Variants in ZNF366 observed in about 807,000 individuals in gnomAD.
The protein encoded by ZNF366 is zinc finger protein 366, also known as dendritic cell-specific transcript protein.
Under a neutral mutation model 47.2 loss-of-function variants are expected in ZNF366, and 20 were observed. That is an observed-to-expected ratio of 0.42 (90% CI 0.30 to 0.62). The LOEUF (loss-of-function observed/expected upper bound fraction) is 0.62, where lower values mean the gene tolerates loss of function less well. Ranked by LOEUF, ZNF366 falls within the 20% of genes least tolerant of loss-of-function variation. The probability of loss-of-function intolerance (pLI) is 0.16; values close to 1 mark genes in which losing one functional copy is unlikely to be tolerated. For synonymous variants in ZNF366, 421 were observed against 395.1 expected (o/e 1.07, Z -0.78); for missense variants, 987 against 976.3 (o/e 1.01, Z -0.15).
At position 72,460,279 on chromosome 5, in the gene ZNF366, G is replaced by A; in HGVS notation, c.1218C>T (p.Ser406=). Residue 406 remains serine (S), a synonymous_variant, in exon 2 of 5, where the codon AGC becomes AGT. Transcript: ENST00000318442. ...SECDKTFQYP[S]QLQNHMMKHK... Reference sequence around the variant, plus strand: ...GCTTCATCATGTGGTTCTGCAGCTGGCTCGGGTACTGGAAGGTCTTGTCGC... The same window carrying A: ...GCTTCATCATGTGGTTCTGCAGCTGACTCGGGTACTGGAAGGTCTTGTCGC... 6.2e-7 allele frequency: 1 copy of A among 1,614,222 alleles called. No homozygotes were observed. The highest frequency in any genetic ancestry group is 8.5e-7 in the Non-Finnish European group (1 of 1,180,024).
At chr5:72,482,350 G>A (rs753737952) in intron 1 of ZNF366, among the ~76,000 whole-genome samples, 6 of 152,208 alleles carry the variant, frequency 3.9e-5, no homozygotes, top group Admixed American at 2.6e-4. Context: ...GGGAAGTTTA[G>A]TAAGAAGAAG....
chr5:72,470,066 A>G (rs1743528877), intron 1 of ZNF366, among the ~76,000 whole-genome samples: 1 of 152,164 alleles, frequency 6.6e-6, no homozygotes, highest in South Asian at 2.1e-4. Flanking sequence ...AATAATAATA[A>G]TGAAGTAGTC....
Position 72,460,562 on chromosome 5 carries a change from T to C in ZNF366, c.935A>G (p.Gln312Arg), listed in dbSNP as rs780473033. 6.2e-7 allele frequency: 1 copy of C among 1,614,108 alleles called. No individual in the cohort carries two copies. Among genetic ancestry groups the C allele is most frequent in the Admixed American group, 1.7e-5 (1 of 60,036 alleles). The change falls in exon 2 of 5, where the codon CAG becomes CGG. Residue 312 changes from glutamine (Q) to arginine (R), a missense_variant. Physicochemically the swap from Gln to Arg is conservative, Grantham distance 43. Around this residue, in one of 3 missense-constraint regions of ZNF366, gnomAD observed 591 missense variants for 560.9 expected, o/e 1.05. Transcript: ENST00000318442. ...THQGTRPHKC[Q>R]VCHKAFTQTS... ...CTGGGTGAAGGCCTTGTGGCACACCTGGCACTTGTGGGGCCGCGTGCCCTG... is the reference window on the plus strand; with the variant it reads ...CTGGGTGAAGGCCTTGTGGCACACCCGGCACTTGTGGGGCCGCGTGCCCTG...
At chr5:72,483,456 T>C (rs1409150416) in intron 1 of ZNF366, among the ~76,000 whole-genome samples, 1 of 152,088 alleles carries the variant, frequency 6.6e-6, no homozygotes, top group Non-Finnish European at 1.5e-5. Flanking sequence ...ACATTCCCTC[T>C]GAGATCCTTC....
intron 1 of ZNF366, among the ~76,000 whole-genome samples, chr5:72,479,265 C>T (rs1004677662): frequency 2.0e-5 from 3 of 151,922 alleles, no homozygotes; most frequent in African/African-American, 7.3e-5. Context: ...CCTGATTGTA[C>T]AAGAAAACAA....
At chr5:72,503,753 T>C (rs1338146576) in intron 1 of ZNF366, among the ~76,000 whole-genome samples, 3 of 152,242 alleles carry the variant, frequency 2.0e-5, no homozygotes, top group Admixed American at 6.5e-5. Flanking sequence ...TTTTGCACGT[T>C]AGTGCAGAAC....
intron 1 of ZNF366, chr5:72,472,599 T>A (rs1055294836): frequency 6.1e-6 from 6 of 980,212 alleles, no homozygotes; most frequent in Non-Finnish European, 4.8e-6. Flanking sequence ...GAACTGCAGT[T>A]AACCTTGAAA....
rs945082867 is a variant in ZNF366 at position 72,442,621 on chromosome 5, T to G, written c.*1135A>C. The stretch of plus-strand genomic sequence containing the variant: ...TAGCTCTGAGGAGAAAGCCCCCTGG[T>G]CACTGGTGACAAGTCTTCCTGCATC... On this transcript the variant is annotated 3_prime_UTR_variant, in exon 5 of 5. Transcript: ENST00000318442. The G allele has an allele frequency of 2.5e-4, 38 of 150,830 alleles. No individual in the cohort carries two copies. The highest frequency in any genetic ancestry group is 8.5e-4 in the African/African-American group (35 of 41,006). 9.3% of individuals were successfully genotyped at this position (150,830 alleles called of 1,614,324 possible). A position where few individuals can be genotyped will look rare whatever the true frequency, so the allele number is the denominator to read the frequency against.
chr5:72,484,341 G>A (rs1202941997), intron 1 of ZNF366, among the ~76,000 whole-genome samples: 2 of 150,768 alleles, frequency 1.3e-5, no homozygotes, highest in African/African-American at 4.9e-5. Flanking sequence ...AAAATTAGCC[G>A]GGCGTAGTGG....
In ZNF366 at chr5:72,447,378, C is replaced by A. The variant is rs1351179197; in HGVS notation, c.1564G>T (p.Gly522Cys). 1 of 1,613,972 alleles carries A rather than the reference C, an allele frequency of 6.2e-7. No individual in the cohort carries two copies. The highest frequency in any genetic ancestry group is 8.5e-7 in the Non-Finnish European group (1 of 1,180,022). ...KEFNRMHNLM[G>C]HMHLHSDSKP... ...CTGTCTGAGTGCAGGTGCATGTGGC[C>A]CATCAGGTTGTGCATCCGGTTGAAT... The change falls in exon 4 of 5, where the codon GGC (glycine) becomes TGC (cysteine). Residue 522 changes from glycine to cysteine, a missense_variant. By Grantham distance (159) the Gly-to-Cys change is radical. This residue lies in a region of ZNF366 where 111 missense variants were observed against 180.5 expected (regional missense o/e 0.61). Transcript: ENST00000318442.
chr5:72,454,522 A>G (rs1743141610), intron 3 of ZNF366, among the ~76,000 whole-genome samples: 1 of 152,200 alleles, frequency 6.6e-6, no homozygotes. Flanking sequence ...TGGTTTTACC[A>G]CTGCTACTGG....
chr5:72,464,549 G>T lies in ZNF366; in HGVS notation c.-14-3039C>A, dbSNP rs142953632. Among the ~76,000 whole-genome samples, 10 of 151,720 alleles carry T rather than the reference G, an allele frequency of 6.6e-5. 1 individual carries two copies. The South Asian group carries it at 1.7e-3, about 25-fold the overall frequency. On this transcript the variant is annotated intron_variant, in intron 1 of 4. Coordinates refer to ENST00000318442, the MANE Select transcript of ZNF366 (RefSeq NM_152625.3). ...CTAGTAAAGCAAAAAAAAAAATGTC[G>T]AACAGAGATGATGTGGCTATTTCTT...
At position 72,443,722 on chromosome 5, in the gene ZNF366, C is replaced by T. The variant is rs1312891098; in HGVS notation, c.*34G>A. The stretch of plus-strand genomic sequence containing the variant: ...AAAGCTATATTTGAACTGCCTCCTT[C>T]TCATTTTCCAAATGTAATTTTAAAA... On this transcript the variant is annotated 3_prime_UTR_variant, in exon 5 of 5. Transcript: ENST00000318442. 9 of 1,584,620 alleles carry T rather than the reference C, an allele frequency of 5.7e-6. No individual in the cohort carries two copies. The highest frequency in any genetic ancestry group is 1.4e-5 in the African/African-American group (1 of 73,472).
At chr5:72,501,900 C>T (rs10056820) in intron 1 of ZNF366, among the ~76,000 whole-genome samples, 23,548 of 152,138 alleles carry the variant, frequency 0.15, 2,359 homozygotes, top group East Asian at 0.38. Flanking sequence ...CTTGCCAAGA[C>T]GACATTTTAA....
In ZNF366 at chr5:72,476,167, G is replaced by C. The variant is rs535877132; in HGVS notation, c.-14-14657C>G. 4.0e-4 allele frequency among the ~76,000 whole-genome samples: 61 copies of C among 152,034 alleles called. 1 individual carries two copies. Among genetic ancestry groups the C allele is most frequent in the Non-Finnish European group, 1.2e-4 (8 of 68,002 alleles). On this transcript the variant is annotated intron_variant, in intron 1 of 4. Transcript: ENST00000318442. Reference sequence around the variant, plus strand: ...ACCAGGTACCTGGCCTGTGTTCACTGTTGTATGTCTCTAGAAGAATGGCTG... The same window carrying C: ...ACCAGGTACCTGGCCTGTGTTCACTCTTGTATGTCTCTAGAAGAATGGCTG...
At chr5:72,459,239 C>T (rs1027226283) in intron 2 of ZNF366, among the ~76,000 whole-genome samples, 80 of 152,328 alleles carry the variant, frequency 5.3e-4, no homozygotes, top group African/African-American at 1.9e-3. Context: ...CTCTCCTGAC[C>T]TTTCAGAATT....
At chr5:72,474,283 C>A (rs1370359181) in intron 1 of ZNF366, among the ~76,000 whole-genome samples, 1 of 152,188 alleles carries the variant, frequency 6.6e-6, no homozygotes. Flanking sequence ...CTCTCAGGCT[C>A]CTGCACGGAG....
rs145194513 is a variant in ZNF366 at position 72,455,671 on chromosome 5, A to G, written c.1524+733T>C. ...GCCCGTCAGCGCCTTGGGTTTTACA[A>G]ATCTCCAGCTCACACGTTTTCTCGG... is the stretch of plus-strand genomic sequence containing the variant. On this transcript the variant is annotated intron_variant, in intron 3 of 4. Coordinates refer to ENST00000318442, the MANE Select transcript of ZNF366 (RefSeq NM_152625.3). 6.6e-3 allele frequency among the ~76,000 whole-genome samples: 998 copies of G among 152,292 alleles called. 3 individuals carry two copies. Among genetic ancestry groups the G allele is most frequent in the Non-Finnish European group, 0.011 (741 of 68,018 alleles).
chr5:72,472,641 A>T, intron 1 of ZNF366: 2 of 810,876 alleles, frequency 2.5e-6, no homozygotes, highest in South Asian at 1.1e-4. Flanking sequence ...GATTCATAGT[A>T]ATTACAGAAT....
Sources: gnomAD v4.1 joint callset for allele counts (sites outside exome capture counted in the v4.1 genomes callset) on GRCh38, gnomAD v4.1.1 for gene constraint, gnomAD v4.1.1 regional missense constraint, MANE v1.5 for transcripts, NCBI Gene and HGNC (gene_info 2026-07-23, HGNC 2026-07-21) for gene names.